The following LSAMP variants were observed in gnomAD, a reference collection of about 807,000 sequenced individuals.
LSAMP encodes the protein limbic system associated membrane protein.
Under a neutral mutation model 38.6 loss-of-function variants are expected in LSAMP, and 7 were observed. That is an observed-to-expected ratio of 0.18 (90% confidence interval 0.10 to 0.34). The LOEUF (loss-of-function observed/expected upper bound fraction) is 0.34, where lower values mean the gene tolerates loss of function less well. Ranked by LOEUF, LSAMP falls within the 10% of genes least tolerant of loss-of-function variation. LSAMP has a pLI of 1.00. For synonymous variants in LSAMP, 154 were observed against 166.8 expected, an observed-to-expected ratio of 0.92 and a Z score of 0.59; for missense variants, 313 against 420.0, an observed-to-expected ratio of 0.75 and a Z score of 2.23.
intron 1 of LSAMP, among the ~76,000 whole-genome samples, chr3:116,174,518 G>C (rs1053820614): frequency 2.0e-5 from 3 of 151,912 alleles, no homozygotes; most frequent in Non-Finnish European, 4.4e-5. Flanking sequence ...GCATTTTTCA[G>C]TAAAGAAAAC....
intron 1 of LSAMP, among the ~76,000 whole-genome samples, chr3:116,444,177 T>G (rs1390653901): frequency 1.3e-5 from 2 of 152,168 alleles, no homozygotes; most frequent in Non-Finnish European, 2.9e-5. Flanking sequence ...ATCAGCAATT[T>G]GGCAAATTCC....
chr3:115,826,191 T>G (rs1290522093), intron 6 of LSAMP, among the ~76,000 whole-genome samples: 1 of 152,120 alleles, frequency 6.6e-6, no homozygotes, highest in Non-Finnish European at 1.5e-5. Context: ...CTTGGCTCAC[T>G]GCAAGCTCTG....
At chr3:116,180,541 A>G (rs1710461278) in intron 1 of LSAMP, among the ~76,000 whole-genome samples, 1 of 152,196 alleles carries the variant, frequency 6.6e-6, no homozygotes, top group South Asian at 2.1e-4. Context: ...GGCTAATAGA[A>G]AAAGGTCACA....
At chr3:116,313,594 G>C (rs9809878) in intron 1 of LSAMP, among the ~76,000 whole-genome samples, 107,600 of 152,166 alleles carry the variant, frequency 0.71, 41,097 homozygotes, top group East Asian at 0.91. Context: ...GAAAGGTCAA[G>C]GTTGGTTCAT....
chr3:115,920,953 C>G (rs1160528996), intron 3 of LSAMP, among the ~76,000 whole-genome samples: 1 of 151,336 alleles, frequency 6.6e-6, no homozygotes, highest in African/African-American at 2.4e-5. Context: ...ATATAATGTT[C>G]TTCTTTGTCT....
chr3:116,081,726 C>T (rs1017962687), intron 2 of LSAMP, among the ~76,000 whole-genome samples: 6 of 151,746 alleles, frequency 4.0e-5, no homozygotes, highest in Non-Finnish European at 2.9e-5. Context: ...GGATAAAGTC[C>T]GACAAGCCAT....
rs201308065 is a variant in LSAMP, at chr3:116,261,915, C to CAT, written c.156-175361_156-175360dup. Among the ~76,000 whole-genome samples, 253 of 149,598 alleles carry CAT rather than the reference C, an allele frequency of 1.7e-3. 1 individual carries two copies. Among genetic ancestry groups the CAT allele is most frequent in the African/African-American group, 5.8e-3 (238 of 41,032 alleles). ...TAATAAATTCTGATATATATAATTA[C>CAT]ATATATATATCTGCATTCACATCTT... is the stretch of plus-strand genomic sequence containing the variant. On this transcript the variant is annotated intron_variant, in intron 1 of 6. Transcript: ENST00000490035.
chr3:116,189,417 G>C (rs1435081389), intron 1 of LSAMP, among the ~76,000 whole-genome samples: 1 of 152,206 alleles, frequency 6.6e-6, no homozygotes, highest in Non-Finnish European at 1.5e-5. Flanking sequence ...TACGAATCAA[G>C]GCTTCCTCTG....
intron 1 of LSAMP, among the ~76,000 whole-genome samples, chr3:116,119,585 A>G (rs1226723969): frequency 6.6e-6 from 1 of 152,164 alleles, no homozygotes; most frequent in African/African-American, 2.4e-5. Flanking sequence ...AGAGCACTGG[A>G]CATTCAGCAC....
intron 3 of LSAMP, among the ~76,000 whole-genome samples, chr3:115,950,273 T>G (rs1328135528): frequency 6.6e-6 from 1 of 151,992 alleles, no homozygotes; most frequent in East Asian, 1.9e-4. Flanking sequence ...GCACCCAAAT[T>G]GGTAAAGAGG....
chr3:116,116,249 C>G (rs1173553559), intron 1 of LSAMP, among the ~76,000 whole-genome samples: 3 of 151,436 alleles, frequency 2.0e-5, no homozygotes, highest in Admixed American at 1.3e-4. Flanking sequence ...AATATCTTCT[C>G]TTGTCTAAGA....
At chr3:116,125,482 C>G (rs1363216191) in intron 1 of LSAMP, among the ~76,000 whole-genome samples, 1 of 149,940 alleles carries the variant, frequency 6.7e-6, no homozygotes, top group Non-Finnish European at 1.5e-5. Context: ...GTGTCAGTAT[C>G]CTTCATTTAT....
intron 1 of LSAMP, among the ~76,000 whole-genome samples, chr3:116,192,318 G>C (rs539355376): frequency 2.4e-4 from 36 of 152,338 alleles, no homozygotes; most frequent in African/African-American, 8.7e-4. Context: ...AATGGAACAA[G>C]AGCAGATGTA....
chr3:115,969,598 C>T (rs951306138), intron 3 of LSAMP, among the ~76,000 whole-genome samples: 2 of 152,178 alleles, frequency 1.3e-5, no homozygotes, highest in African/African-American at 2.4e-5. Flanking sequence ...CAGCTGCTTC[C>T]ACCACTGCTA....
intron 3 of LSAMP, among the ~76,000 whole-genome samples, chr3:116,006,410 A>G (rs1174373619): frequency 6.6e-6 from 1 of 152,148 alleles, no homozygotes; most frequent in Non-Finnish European, 1.5e-5. Flanking sequence ...CATCCTGCAA[A>G]TTAAATCCCC....
rs1431940368 is a variant in LSAMP, at chr3:116,225,030, G to A, written c.156-138474C>T. The stretch of plus-strand genomic sequence containing the variant: ...ATAAAATAAGGAATTTGACAAGAAT[G>A]TCAGCAAACCAGCTGTAAAGCAGAT... On this transcript the variant is annotated intron_variant, in intron 1 of 6. Coordinates refer to ENST00000490035, the MANE Select transcript of LSAMP (RefSeq NM_002338.5). 2.6e-5 allele frequency among the ~76,000 whole-genome samples: 4 copies of A among 152,170 alleles called. No homozygotes were observed. In the East Asian group the frequency reaches 5.8e-4, roughly 22 times the overall value.
intron 2 of LSAMP, among the ~76,000 whole-genome samples, chr3:116,032,048 G>A (rs1374727249): frequency 1.3e-5 from 2 of 152,030 alleles, no homozygotes; most frequent in Non-Finnish European, 2.9e-5. Context: ...CATTCATGCA[G>A]GGTTTGGGAT....
chr3:115,982,502 T>G (rs1382539383), intron 3 of LSAMP, among the ~76,000 whole-genome samples: 1 of 152,210 alleles, frequency 6.6e-6, no homozygotes, highest in Admixed American at 6.5e-5. Context: ...CCCAAGATTC[T>G]TCTGGTACAG....
intron 1 of LSAMP, among the ~76,000 whole-genome samples, chr3:116,255,654 C>T (rs557050973): frequency 8.5e-5 from 13 of 152,274 alleles, no homozygotes; most frequent in African/African-American, 2.4e-4. Flanking sequence ...TTACAATTTG[C>T]TACTCTTAAG....
Sources: allele counts gnomAD v4.1 joint callset (sites outside exome capture counted in the v4.1 genomes callset), GRCh38; gene constraint gnomAD v4.1.1; transcripts MANE v1.5; gene names NCBI Gene and HGNC (gene_info 2026-07-23, HGNC 2026-07-21).